The following SCN1A variants were observed in gnomAD, a reference collection of about 807,000 sequenced individuals.
SCN1A encodes the protein sodium voltage-gated channel alpha subunit 1.
In SCN1A, 13 loss-of-function variants were observed where a neutral mutation model predicts 193.7. The ratio of observed to expected loss-of-function variants is 0.07; its 90% CI spans 0.04 to 0.11. The LOEUF is 0.11. Among genes scored for constraint, SCN1A ranks in the 10% least tolerant of loss-of-function variants. The probability of loss-of-function intolerance (pLI) is 1.00; values close to 1 mark genes in which losing one functional copy is unlikely to be tolerated. For missense variants in SCN1A, 1,432 were observed against 2,451.1 expected (o/e 0.58, Z 8.78); for synonymous variants, 781 against 843.6 (o/e 0.93, Z 1.29).
At chr2:166,076,637 C>G (rs909671715) in intron 3 of SCN1A, among the ~76,000 whole-genome samples, 3 of 151,916 alleles carry the variant, frequency 2.0e-5, no homozygotes, top group Non-Finnish European at 4.4e-5. Flanking sequence ...AACTTTAAGA[C>G]TTACTGTAAA....
rs375437889 is a variant in SCN1A at position 166,029,146 on chromosome 2, G to A, written c.3429+6902C>T. Among the ~76,000 whole-genome samples the A allele has an allele frequency of 2.6e-5, 4 of 152,214 alleles. No individual in the cohort carries two copies. The East Asian group carries it at 5.8e-4, about 22-fold the overall frequency. The stretch of plus-strand genomic sequence containing the variant: ...ATTCCATGATACTGAAGGAGTCAGC[G>A]GTGGTCAGTTTTGCAGGGACTTGTA... On this transcript the variant is annotated intron_variant, in intron 19 of 28. Coordinates refer to ENST00000674923, the MANE Select transcript of SCN1A (RefSeq NM_001165963.4).
intron 2 of SCN1A, among the ~76,000 whole-genome samples, chr2:166,087,125 G>A (rs1454155325): frequency 6.6e-6 from 1 of 150,892 alleles, no homozygotes; most frequent in South Asian, 2.1e-4. Context: ...TCACTGTAAC[G>A]AGTGAGTCCT....
intron 2 of SCN1A, among the ~76,000 whole-genome samples, chr2:166,100,244 G>C (rs1457643963): frequency 7.9e-6 from 1 of 127,224 alleles, no homozygotes; most frequent in Non-Finnish European, 1.7e-5. Flanking sequence ...ACAAACCTGA[G>C]AAAAACAAGC....
chr2:165,985,070 C>CA (rs1688525162), downstream of SCN1A: 1 of 151,938 alleles, frequency 6.6e-6, no homozygotes, highest in African/African-American at 2.4e-5. Flanking sequence ...AATAAAGATG[C>CA]ATCAGGGTTG....
chr2:166,095,656 A>G (rs1206889716), intron 2 of SCN1A, among the ~76,000 whole-genome samples: 1 of 152,196 alleles, frequency 6.6e-6, no homozygotes, highest in Non-Finnish European at 1.5e-5. Context: ...TGTTATTTGT[A>G]TAGTTTGTTC....
intron 1 of SCN1A, among the ~76,000 whole-genome samples, chr2:166,137,102 T>G (rs114666202): frequency 2.0e-5 from 3 of 152,220 alleles, no homozygotes; most frequent in East Asian, 1.9e-4. Flanking sequence ...GTAGCCCTTC[T>G]TCCAGGGCTC....
chr2:166,058,900 A>T (rs1252113798), intron 4 of SCN1A, among the ~76,000 whole-genome samples: 2 of 152,110 alleles, frequency 1.3e-5, no homozygotes, highest in African/African-American at 2.4e-5. Context: ...CCTTTTACCT[A>T]ATACTTACCC....
intron 5 of SCN1A, among the ~76,000 whole-genome samples, chr2:166,056,917 C>T (rs560112378): frequency 4.5e-4 from 69 of 152,148 alleles, no homozygotes; most frequent in African/African-American, 1.6e-3. Flanking sequence ...GGCCACTTAT[C>T]TGCAATATTG....
chr2:166,054,129 A>G (rs1698881210), intron 7 of SCN1A, among the ~76,000 whole-genome samples: 1 of 152,008 alleles, frequency 6.6e-6, no homozygotes, highest in Admixed American at 6.6e-5. Context: ...TAATATTTCA[A>G]GTATCTTCTT....
chr2:166,033,402 C>T (rs1005306739), intron 19 of SCN1A, among the ~76,000 whole-genome samples: 10 of 151,982 alleles, frequency 6.6e-5, no homozygotes, highest in African/African-American at 2.4e-4. Context: ...ATGAAATGTG[C>T]TCTAACGTTA....
In SCN1A at chr2:166,048,935, G is replaced by A; in HGVS notation, c.979C>T (p.Leu327=). Residue 327 remains leucine (L), a synonymous_variant, in exon 10 of 29, where the codon CTG becomes TTG. Transcript: ENST00000674923. ...AGTAGTGCATCTAAAAAACCCTCCA[G>A]GAAATAATGATATCCTGTTTGAAAA... ...YIQDSRYHYF[L]EGFLDALLCG... 6.2e-7 allele frequency: 1 copy of A among 1,602,538 alleles called. No homozygotes were observed. Among genetic ancestry groups the A allele is most frequent in the South Asian group, 1.1e-5 (1 of 90,834 alleles).
intron 2 of SCN1A, among the ~76,000 whole-genome samples, chr2:166,103,333 C>T (rs562458522): frequency 6.6e-6 from 1 of 152,090 alleles, no homozygotes; most frequent in Admixed American, 6.5e-5. Context: ...CACCTGTGGT[C>T]CCAGCTACTC....
At chr2:166,052,472 T>C (rs991020302) in intron 8 of SCN1A, among the ~76,000 whole-genome samples, 1 of 152,020 alleles carries the variant, frequency 6.6e-6, no homozygotes, top group African/African-American at 2.4e-5. Flanking sequence ...TTCTTTATTG[T>C]CTTATTCCCT....
intron 19 of SCN1A, among the ~76,000 whole-genome samples, chr2:166,026,905 G>T (rs887245947): frequency 6.6e-6 from 1 of 151,638 alleles, no homozygotes; most frequent in East Asian, 1.9e-4. Flanking sequence ...GGGTGGTCTC[G>T]ATCTCCTGAC....
intron 5 of SCN1A, among the ~76,000 whole-genome samples, chr2:166,057,909 C>T (rs1699288845): frequency 6.6e-6 from 1 of 151,912 alleles, no homozygotes; most frequent in African/African-American, 2.4e-5. Flanking sequence ...AAACCAAATC[C>T]CTTAAGACCA....
At chr2:165,996,323 T>C in intron 26 of SCN1A, 1 of 413,820 alleles carries the variant, frequency 2.4e-6, no homozygotes, top group East Asian at 4.7e-5. Context: ...ATTGACTTTA[T>C]TATTATTATC....
Position 165,994,220 on chromosome 2 carries a change from A to G in SCN1A, c.4778T>C (p.Ile1593Thr). ...LFTGECVLKL[I>T]SLRHYYFTIG... ...GGTAAAATAATAATGGCGTAGAGAG[A>G]TGAGTTTCAGTACACACTCTCCAGT... The change falls in exon 28 of 29, where the codon ATC becomes ACC. Residue 1593 changes from isoleucine (I) to threonine (T), a missense_variant. Ile to Thr is a moderately conservative substitution (Grantham distance 89, BLOSUM62 -1). This residue lies in a region of SCN1A where 85 missense variants were observed against 213.2 expected (regional missense o/e 0.40). Coordinates refer to ENST00000674923, the MANE Select transcript of SCN1A (RefSeq NM_001165963.4). 1 of 1,612,910 alleles carries G rather than the reference A, an allele frequency of 6.2e-7. No individual in the cohort carries two copies. The highest frequency in any genetic ancestry group is 8.5e-7 in the Non-Finnish European group (1 of 1,179,300).
At chr2:166,110,611 G>T (rs1021421336) in intron 2 of SCN1A, among the ~76,000 whole-genome samples, 1 of 152,174 alleles carries the variant, frequency 6.6e-6, no homozygotes, top group Non-Finnish European at 1.5e-5. Context: ...TGGTTTATGA[G>T]GTTTAAGGAA....
rs75235137 is a variant in SCN1A, at chr2:166,117,638, A to G, written c.-142+9286T>C. On this transcript the variant is annotated intron_variant, in intron 2 of 28. Transcript: ENST00000674923. The stretch of plus-strand genomic sequence containing the variant: ...AGTTTGGACCTGATGAATCATTTAA[A>G]AAGTCTCAAGGGAATGCAAGAGCAT... Among the ~76,000 whole-genome samples the G allele has an allele frequency of 2.5e-3, 381 of 152,366 alleles. 1 individual carries two copies. The highest frequency in any genetic ancestry group is 8.7e-3 in the African/African-American group (362 of 41,590).
Sources: allele counts gnomAD v4.1 joint callset (sites outside exome capture counted in the v4.1 genomes callset), GRCh38; gene constraint gnomAD v4.1.1; regional missense constraint gnomAD v4.1.1; transcripts MANE v1.5; gene names NCBI Gene and HGNC (gene_info 2026-07-23, HGNC 2026-07-21).